The following RBPJ variants were observed in gnomAD, a reference collection of about 807,000 sequenced individuals.
The protein encoded by RBPJ is recombination signal binding protein for immunoglobulin kappa J region, also known as recombining binding protein suppressor of hairless.
A neutral mutation model predicts 67.8 loss-of-function variants in RBPJ; 9 were observed. That is an observed-to-expected ratio of 0.13 (90% CI 0.08 to 0.23). The LOEUF is 0.23. RBPJ is among the 10% of genes least tolerant of loss of function. The pLI is 1.00. For missense variants in RBPJ, 305 were observed against 595.6 expected, an observed-to-expected ratio of 0.51 and a Z score of 5.08; for synonymous variants, 198 against 203.3, an observed-to-expected ratio of 0.97 and a Z score of 0.22.
intron 1 of RBPJ, among the ~76,000 whole-genome samples, chr4:26,308,361 T>C (rs1376319559): frequency 6.6e-6 from 1 of 152,218 alleles, no homozygotes; most frequent in African/African-American, 2.4e-5. Context: ...GACAGACCTA[T>C]TGTATAAAAC....
At chr4:26,229,060 C>G (rs1719184078) in intron 1 of RBPJ, among the ~76,000 whole-genome samples, 1 of 152,160 alleles carries the variant, frequency 6.6e-6, no homozygotes, top group Admixed American at 6.5e-5. Flanking sequence ...ATGACTATAG[C>G]CAAGCAAATC....
the RBPJ span, among the ~76,000 whole-genome samples, chr4:26,119,712 C>T: frequency 6.6e-6 from 1 of 152,316 alleles, no homozygotes; most frequent in African/African-American, 2.4e-5. Context: ...ATTTTAGCAC[C>T]TCTCATAGGG....
chr4:26,403,717 AT>A (rs886477908), intron 2 of RBPJ, among the ~76,000 whole-genome samples: 1 of 150,600 alleles, frequency 6.6e-6, no homozygotes, highest in Non-Finnish European at 1.5e-5. Flanking sequence ...ACATGCTCTC[AT>A]TTTTTTTAAT....
intron 1 of RBPJ, among the ~76,000 whole-genome samples, chr4:26,212,442 T>C (rs1293721597): frequency 2.1e-5 from 3 of 141,798 alleles, no homozygotes; most frequent in East Asian, 4.1e-4. Flanking sequence ...CTTTTTTTTT[T>C]TTTTTTTTTT....
At chr4:26,427,771 A>G (rs1735823555) in intron 7 of RBPJ, among the ~76,000 whole-genome samples, 1 of 152,186 alleles carries the variant, frequency 6.6e-6, no homozygotes, top group South Asian at 2.1e-4. Flanking sequence ...GAGGGACAGG[A>G]GCATGTAGTC....
At chr4:26,178,433 C>A (rs551870206) in intron 1 of RBPJ, among the ~76,000 whole-genome samples, 1 of 152,068 alleles carries the variant, frequency 6.6e-6, no homozygotes, top group South Asian at 2.1e-4. Flanking sequence ...GTAGCAAGTC[C>A]CTGTCTGTAC....
chr4:26,365,380 A>G (rs1010179854), intron 1 of RBPJ, among the ~76,000 whole-genome samples: 1 of 152,146 alleles, frequency 6.6e-6, no homozygotes. Context: ...TGATCATCTT[A>G]TCCTGCTGGG....
intron 1 of RBPJ, among the ~76,000 whole-genome samples, chr4:26,342,096 A>G (rs1226766558): frequency 6.6e-6 from 1 of 152,124 alleles, no homozygotes; most frequent in Non-Finnish European, 1.5e-5. Flanking sequence ...TCTGACACAA[A>G]AGGTCTGCAG....
intron 1 of RBPJ, among the ~76,000 whole-genome samples, chr4:26,333,816 A>G (rs923576381): frequency 6.6e-6 from 1 of 152,106 alleles, no homozygotes; most frequent in South Asian, 2.1e-4. Flanking sequence ...CAGCCTGCCA[A>G]GTAGCTGGGA....
At chr4:26,329,079 T>A (rs946699286) in intron 1 of RBPJ, among the ~76,000 whole-genome samples, 1 of 152,196 alleles carries the variant, frequency 6.6e-6, no homozygotes, top group Non-Finnish European at 1.5e-5. Context: ...CCGCAACATA[T>A]GCCTCCCGGG....
chr4:26,376,797 T>G (rs1446914261), intron 1 of RBPJ, among the ~76,000 whole-genome samples: 1 of 152,208 alleles, frequency 6.6e-6, no homozygotes, highest in African/African-American at 2.4e-5. Flanking sequence ...CCTTGTTACT[T>G]TATTGTTATT....
At chr4:26,274,927 A>T (rs1721028941) in intron 1 of RBPJ, among the ~76,000 whole-genome samples, 1 of 152,142 alleles carries the variant, frequency 6.6e-6, no homozygotes, top group East Asian at 1.9e-4. Context: ...ACAGAGCGAG[A>T]CACCGTCTCA....
At chr4:26,390,070 A>G (rs1731347054) in intron 2 of RBPJ, among the ~76,000 whole-genome samples, 1 of 152,216 alleles carries the variant, frequency 6.6e-6, no homozygotes, top group Non-Finnish European at 1.5e-5. Context: ...ATCCAACAAT[A>G]TATTGAGGGG....
At chr4:26,206,287 C>T (rs756100880) in intron 1 of RBPJ, among the ~76,000 whole-genome samples, 14 of 152,164 alleles carry the variant, frequency 9.2e-5, no homozygotes, top group Non-Finnish European at 1.9e-4. Flanking sequence ...CTTGGTGTGA[C>T]AAGTCTTGGT....
At chr4:26,145,072 A>G in the RBPJ span, among the ~76,000 whole-genome samples, 3 of 145,102 alleles carry the variant, frequency 2.1e-5, no homozygotes, top group Non-Finnish European at 4.5e-5. Context: ...GTAGTAGTTT[A>G]CATTTTTCTG....
At chr4:26,314,183 C>T (rs200789994) in intron 1 of RBPJ, among the ~76,000 whole-genome samples, 10 of 151,830 alleles carry the variant, frequency 6.6e-5, no homozygotes, top group East Asian at 5.8e-4. Flanking sequence ...GTGATCTTTC[C>T]GCAAAAGTAC....
intron 5 of RBPJ, among the ~76,000 whole-genome samples, chr4:26,423,600 G>A (rs757718071): frequency 1.3e-5 from 2 of 152,178 alleles, no homozygotes; most frequent in Non-Finnish European, 2.9e-5. Flanking sequence ...GGTATATTAT[G>A]TCTTGTATTC....
At chr4:26,399,545 A>G (rs891325212) in intron 2 of RBPJ, among the ~76,000 whole-genome samples, 2 of 152,040 alleles carry the variant, frequency 1.3e-5, no homozygotes, top group African/African-American at 4.8e-5. Flanking sequence ...CTGTATAAAA[A>G]AAGTTTGAAT....
At position 26,233,238 on chromosome 4, in the gene RBPJ, T is replaced by A. The variant is rs535112175; in HGVS notation, c.-167+69624T>A. ...GAATGTATGGAGCTATAAATTAAAA[T>A]ACTGGGGGGGAAAACTATAAATGAT... On this transcript the variant is annotated intron_variant, in intron 1 of 4. Transcript: ENST00000512351. Among the ~76,000 whole-genome samples, 29 of 152,316 alleles carry A rather than the reference T, an allele frequency of 1.9e-4. 1 individual carries two copies. The South Asian group carries it at 3.7e-3, about 20-fold the overall frequency.
Sources: allele counts gnomAD v4.1 joint callset (sites outside exome capture counted in the v4.1 genomes callset), GRCh38; gene constraint gnomAD v4.1.1; transcripts MANE v1.5; gene names NCBI Gene and HGNC (gene_info 2026-07-23, HGNC 2026-07-21).